Variants in SKAP1 observed in about 807,000 individuals in gnomAD.
SKAP1 encodes src kinase-associated phosphoprotein 1.
In SKAP1, 44 loss-of-function variants were observed where a neutral mutation model predicts 58.5. That is an observed-to-expected ratio of 0.75 (90% CI 0.59 to 0.97). The LOEUF (loss-of-function observed/expected upper bound fraction) is 0.97. Among genes scored for constraint, SKAP1 ranks in the 50% least tolerant of loss-of-function variants. SKAP1 has a pLI of 0.00. For missense variants in SKAP1, 390 were observed against 435.2 expected (o/e 0.90, Z 0.92); for synonymous variants, 127 against 149.7 (o/e 0.85, Z 1.11).
intron 4 of SKAP1, among the ~76,000 whole-genome samples, chr17:48,216,197 T>C (rs2064936950): frequency 6.6e-6 from 1 of 152,168 alleles, no homozygotes; most frequent in South Asian, 2.1e-4. Context: ...CGGTGACTTT[T>C]GACATTTCTT....
chr17:48,310,750 T>C (rs1598551058), intron 4 of SKAP1, among the ~76,000 whole-genome samples: 1 of 151,934 alleles, frequency 6.6e-6, no homozygotes, highest in East Asian at 1.9e-4. Flanking sequence ...GATTTATGTA[T>C]GTAAGGCAGG....
At chr17:48,189,088 G>A (rs1405386698) in intron 5 of SKAP1, among the ~76,000 whole-genome samples, 2 of 152,196 alleles carry the variant, frequency 1.3e-5, no homozygotes, top group African/African-American at 4.8e-5. Context: ...AAACTACACA[G>A]TGGGAGCACA....
intron 4 of SKAP1, among the ~76,000 whole-genome samples, chr17:48,234,647 T>C (rs2065160562): frequency 6.6e-6 from 1 of 152,190 alleles, no homozygotes; most frequent in Admixed American, 6.5e-5. Flanking sequence ...CTGTTATATG[T>C]CAGGTAATGT....
At chr17:48,219,041 A>T (rs2143714369) in intron 4 of SKAP1, among the ~76,000 whole-genome samples, 1 of 152,334 alleles carries the variant, frequency 6.6e-6, no homozygotes, top group East Asian at 1.9e-4. Context: ...ATTAGTATTT[A>T]TCTAATAGTA....
At chr17:48,196,992 C>T (rs111509194) in intron 4 of SKAP1, among the ~76,000 whole-genome samples, 12,846 of 152,268 alleles carry the variant, frequency 0.084, 709 homozygotes, top group East Asian at 0.18. Flanking sequence ...GGCGTGGTGG[C>T]CCACGCCTGT....
chr17:48,329,069 C>A, intron 4 of SKAP1, among the ~76,000 whole-genome samples: 1 of 152,156 alleles, frequency 6.6e-6, no homozygotes. Flanking sequence ...TCAATAGTTA[C>A]AAATGTTAGT....
intron 4 of SKAP1, among the ~76,000 whole-genome samples, chr17:48,284,345 A>G (rs931729554): frequency 3.9e-5 from 6 of 152,234 alleles, no homozygotes; most frequent in Admixed American, 3.3e-4. Context: ...GAAACACTGA[A>G]ACAGACCACT....
At chr17:48,196,573 A>G (rs2064634284) in intron 4 of SKAP1, 1 of 152,080 alleles carries the variant, frequency 6.6e-6, no homozygotes, top group Admixed American at 6.5e-5. Flanking sequence ...TCGTGCATTT[A>G]CCCAGTGTCT....
intron 4 of SKAP1, among the ~76,000 whole-genome samples, chr17:48,191,043 C>A (rs2064538092): frequency 6.6e-6 from 1 of 152,160 alleles, no homozygotes; most frequent in African/African-American, 2.4e-5. Context: ...AAAGGCTTCA[C>A]AAATAATACC....
At chr17:48,181,338 G>C (rs2064366154) in intron 8 of SKAP1, among the ~76,000 whole-genome samples, 1 of 152,124 alleles carries the variant, frequency 6.6e-6, no homozygotes, top group African/African-American at 2.4e-5. Flanking sequence ...GCTGCTTTGA[G>C]TTTTATTGAG....
At chr17:48,170,493 G>A in intron 10 of SKAP1, 116 bp downstream of exon 10, 2 of 886,066 alleles carry the variant, frequency 2.3e-6, no homozygotes, top group South Asian at 2.8e-5. Context: ...TTCACACACA[G>A]GTACCCTCTT....
intron 10 of SKAP1, among the ~76,000 whole-genome samples, chr17:48,164,048 CCA>C (rs921334243): frequency 4.6e-5 from 7 of 152,220 alleles, no homozygotes; most frequent in Admixed American, 4.6e-4. Context: ...AAACATTCTG[CCA>C]CAGAGTTGAT....
At chr17:48,161,361 C>A (rs2064065685) in intron 11 of SKAP1, among the ~76,000 whole-genome samples, 1 of 152,230 alleles carries the variant, frequency 6.6e-6, no homozygotes, top group Non-Finnish European at 1.5e-5. Context: ...GTGCCTATTT[C>A]AAAAATGTGT....
chr17:48,164,278 T>G (rs2064107399), intron 10 of SKAP1, among the ~76,000 whole-genome samples: 1 of 152,218 alleles, frequency 6.6e-6, no homozygotes, highest in African/African-American at 2.4e-5. Flanking sequence ...TGAAAGAATA[T>G]TAACATCAAT....
At chr17:48,310,975 A>G (rs1014245664) in intron 4 of SKAP1, among the ~76,000 whole-genome samples, 9 of 152,182 alleles carry the variant, frequency 5.9e-5, no homozygotes, top group African/African-American at 2.2e-4. Flanking sequence ...ACGGATGGTA[A>G]ACTTGACCTG....
chr17:48,158,901 C>T (rs2064029534), intron 11 of SKAP1, among the ~76,000 whole-genome samples: 1 of 151,042 alleles, frequency 6.6e-6, no homozygotes, highest in Non-Finnish European at 1.5e-5. Flanking sequence ...GCGGAGCCTG[C>T]AGTGAGCCGA....
chr17:48,364,688 AAACAAC>A (rs892574611), intron 2 of SKAP1, among the ~76,000 whole-genome samples: 3 of 152,054 alleles, frequency 2.0e-5, no homozygotes, highest in African/African-American at 7.2e-5. Flanking sequence ...AAAACAAAAC[AAACAAC>A]AACAACAACA....
intron 4 of SKAP1, among the ~76,000 whole-genome samples, chr17:48,322,226 A>C (rs2066376732): frequency 6.6e-6 from 1 of 152,238 alleles, no homozygotes; most frequent in Non-Finnish European, 1.5e-5. Context: ...ACTTTTGCAC[A>C]TAAATCTATT....
chr17:48,247,834 G>A (rs1173110475), intron 4 of SKAP1, among the ~76,000 whole-genome samples: 1 of 152,122 alleles, frequency 6.6e-6, no homozygotes, highest in African/African-American at 2.4e-5. Context: ...TTCCTGGAAA[G>A]AGGAAAGCAG....
Sources: allele counts gnomAD v4.1 joint callset (sites outside exome capture counted in the v4.1 genomes callset), GRCh38; gene constraint gnomAD v4.1.1; transcripts MANE v1.5; gene names NCBI Gene and HGNC (gene_info 2026-07-23, HGNC 2026-07-21).